The following ZNF716 variants were observed in gnomAD, a reference collection of about 807,000 sequenced individuals.
ZNF716 encodes the protein zinc finger protein 716.
ZNF716 carries 9 observed loss-of-function variants against 13.4 expected under a neutral mutation model. That is an observed-to-expected ratio of 0.67 (90% CI 0.41 to 1.18). The LOEUF is 1.18. ZNF716 is among the 50% of genes most tolerant of loss of function. ZNF716 has a pLI of 0.01. For missense variants in ZNF716, 581 were observed against 576.6 expected (o/e 1.01, Z -0.08); for synonymous variants, 186 against 195.2 (o/e 0.95, Z 0.39).
Position 57,470,598 on chromosome 7 carries a change from G to T in ZNF716, c.*649G>T, listed in dbSNP as rs1789912443. 6.6e-6 allele frequency: 1 copy of T among 152,018 alleles called. No homozygotes were observed. The highest frequency in any genetic ancestry group is 2.1e-4 in the South Asian group (1 of 4,824). 9.4% of individuals were successfully genotyped at this position (152,018 alleles called of 1,614,324 possible). A position where few individuals can be genotyped will look rare whatever the true frequency, so the allele number is the denominator to read the frequency against. On this transcript the variant is annotated 3_prime_UTR_variant, in exon 4 of 4. Coordinates refer to ENST00000420713, the MANE Select transcript of ZNF716 (RefSeq NM_001159279.1). ...CTTGAACCCTTATTATACACTAAAA[G>T]AATTGATACTGAAGAAAAACCCTAC...
At chr7:57,464,143 T>TTTTTTTAC (rs1789762530) in intron 3 of ZNF716, among the ~76,000 whole-genome samples, 2 of 128,832 alleles carry the variant, frequency 1.6e-5, no homozygotes, top group Non-Finnish European at 3.2e-5. Context: ...TTTTTTGAGA[T>TTTTTTTAC]GGAGTTTCAC....
intron 1 of ZNF716, among the ~76,000 whole-genome samples, chr7:57,462,160 A>T (rs1489206266): frequency 3.8e-5 from 2 of 53,152 alleles, no homozygotes; most frequent in Non-Finnish European, 8.2e-5. Flanking sequence ...GCCTCGGTTT[A>T]AAAAAAAAAA....
chr7:57,459,399 T>C (rs1789666152), intron 1 of ZNF716, among the ~76,000 whole-genome samples: 2 of 152,060 alleles, frequency 1.3e-5, no homozygotes, highest in South Asian at 2.1e-4. Flanking sequence ...ACAAAAAATA[T>C]AATATTTTGG....
chr7:57,455,317 A>T (rs1195337083), intron 1 of ZNF716, among the ~76,000 whole-genome samples: 1 of 152,200 alleles, frequency 6.6e-6, no homozygotes, highest in Non-Finnish European at 1.5e-5. Flanking sequence ...GAAGAGAAAA[A>T]TTTAAGCAAA....
chr7:57,465,164 A>G (rs1440098623), intron 3 of ZNF716, among the ~76,000 whole-genome samples: 6 of 152,228 alleles, frequency 3.9e-5, no homozygotes, highest in African/African-American at 1.4e-4. Flanking sequence ...ACACCTTAGC[A>G]AATTAAGATA....
At chr7:57,466,519 C>G (rs545068732) in intron 3 of ZNF716, among the ~76,000 whole-genome samples, 1 of 152,248 alleles carries the variant, frequency 6.6e-6, no homozygotes, top group Non-Finnish European at 1.5e-5. Context: ...AACCTGGCTC[C>G]TCCACCTCAC....
Position 57,469,068 on chromosome 7 carries a change from C to A in ZNF716, c.607C>A (p.His203Asn). The change falls in exon 4 of 4, where the codon CAT becomes AAT. Residue 203 changes from histidine (H) to asparagine (N), a missense_variant. Physicochemically the swap from His to Asn is moderately conservative, Grantham distance 68. Coordinates refer to ENST00000420713, the MANE Select transcript of ZNF716 (RefSeq NM_001159279.1). ...TTGCATGCTTTCACGCCTAAATCAA[C>A]ATCAGATAATTCATACTAGGGAGAA... The part of the protein sequence containing the change: ...SFCMLSRLNQ[H>N]QIIHTREKSY... 1 of 1,608,026 alleles carries A rather than the reference C, an allele frequency of 6.2e-7. No individual in the cohort carries two copies. The highest frequency in any genetic ancestry group is 8.5e-7 in the Non-Finnish European group (1 of 1,176,610).
At chr7:57,452,609 A>G (rs1266731665) in intron 1 of ZNF716, among the ~76,000 whole-genome samples, 2 of 152,100 alleles carry the variant, frequency 1.3e-5, no homozygotes, top group Admixed American at 6.6e-5. Context: ...CTGCACTCCA[A>G]CCTGGACAAC....
intron 1 of ZNF716, among the ~76,000 whole-genome samples, chr7:57,459,075 A>G (rs1789656747): frequency 6.6e-6 from 1 of 152,162 alleles, no homozygotes; most frequent in Admixed American, 6.5e-5. Context: ...TTCAATTTTT[A>G]TGTAATTGTA....
Position 57,469,838 on chromosome 7 carries a change from T to C in ZNF716, c.1377T>C (p.Thr459=), listed in dbSNP as rs1789894498. The C allele has an allele frequency of 6.2e-7, 1 of 1,603,614 alleles. No homozygotes were observed. Among genetic ancestry groups the C allele is most frequent in the East Asian group, 2.3e-5 (1 of 44,396 alleles). Residue 459 remains threonine (T), a synonymous_variant, in exon 4 of 4, where the codon ACT becomes ACC. Coordinates refer to ENST00000420713, the MANE Select transcript of ZNF716 (RefSeq NM_001159279.1). ...STLNTHKRIH[T]GEKPYKCEEC... ...TAAATACTCATAAGAGGATTCATACTGGAGAGAAACCCTACAAATGTGAAG... is the reference window on the plus strand; with the variant it reads ...TAAATACTCATAAGAGGATTCATACCGGAGAGAAACCCTACAAATGTGAAG...
intron 3 of ZNF716, among the ~76,000 whole-genome samples, chr7:57,465,746 C>T (rs10246906): frequency 0.38 from 58,377 of 151,880 alleles, 11,431 homozygotes; most frequent in East Asian, 0.51. Context: ...ATGTTTATTG[C>T]GGCACTATTC....
chr7:57,450,984 G>C (rs544340998), intron 1 of ZNF716, among the ~76,000 whole-genome samples: 2 of 152,080 alleles, frequency 1.3e-5, no homozygotes, highest in South Asian at 4.1e-4. Context: ...GGTTGACTAG[G>C]CCTGAATATT....
chr7:57,464,690 AT>A (rs1397396877), intron 3 of ZNF716, among the ~76,000 whole-genome samples: 5 of 148,802 alleles, frequency 3.4e-5, no homozygotes, highest in African/African-American at 1.2e-4. Flanking sequence ...TTTCCACTAT[AT>A]TTTTTTTCTA....
chr7:57,451,770 C>CT (rs76825087), intron 1 of ZNF716, among the ~76,000 whole-genome samples: 37,561 of 136,066 alleles, frequency 0.28, 5,230 homozygotes, highest in South Asian at 0.34. Context: ...CTCTTTCTTT[C>CT]TTTTTTTTTT....
chr7:57,464,313 G>A (rs1156452121), intron 3 of ZNF716, among the ~76,000 whole-genome samples: 11 of 151,736 alleles, frequency 7.2e-5, no homozygotes, highest in African/African-American at 2.4e-5. Flanking sequence ...TAGAGATGGA[G>A]TTTCGCCATG....
intron 1 of ZNF716, among the ~76,000 whole-genome samples, chr7:57,450,793 C>T (rs1351490516): frequency 6.6e-6 from 1 of 152,028 alleles, no homozygotes; most frequent in African/African-American, 2.4e-5. Context: ...TCTTAGAGCG[C>T]CCAGCTATGG....
At position 57,469,624 on chromosome 7, in the gene ZNF716, C is replaced by T. The variant is rs2116426980; in HGVS notation, c.1163C>T (p.Ala388Val). 2 of 1,612,466 alleles carry T rather than the reference C, an allele frequency of 1.2e-6. No individual in the cohort carries two copies. The highest frequency in any genetic ancestry group is 1.1e-5 in the South Asian group (1 of 90,984). ...TACACTTGTGAAGAATGTGGCAAAG[C>T]CTTTAGCTTACCCTCAACCTTCACT... ...KPYTCEECGK[A>V]FSLPSTFTYH... is the part of the protein sequence containing the mutation. Residue 388 changes from alanine (A) to valine (V), a missense_variant, in exon 4 of 4, where the codon GCC becomes GTC. Coordinates refer to ENST00000420713, the MANE Select transcript of ZNF716 (RefSeq NM_001159279.1).
Position 57,463,126 on chromosome 7 carries a change from C to A in ZNF716, c.220C>A (p.Pro74Thr), listed in dbSNP as rs781786535. The change falls in exon 3 of 4, where the codon CCC becomes ACC. Residue 74 changes from proline to threonine, a missense_variant. Physicochemically the swap from Pro to Thr is conservative, Grantham distance 38. Coordinates refer to ENST00000420713, the MANE Select transcript of ZNF716 (RefSeq NM_001159279.1). ...CACCTGTCTGGAGCAAAATAAAGAG[C>A]CCCAGAATATAAAGAGAAATGAGAT... ...LITCLEQNKE[P>T]QNIKRNEMVA... 12 of 1,609,934 alleles carry A rather than the reference C, an allele frequency of 7.5e-6. No individual in the cohort carries two copies. In the South Asian group the frequency reaches 1.3e-4, roughly 18 times the overall value.
At chr7:57,458,456 C>T (rs1167392089) in intron 1 of ZNF716, among the ~76,000 whole-genome samples, 2 of 150,034 alleles carry the variant, frequency 1.3e-5, no homozygotes, top group African/African-American at 4.9e-5. Context: ...GAGTTTCACT[C>T]TTTTCGTCCA....
Sources: allele counts gnomAD v4.1 joint callset (sites outside exome capture counted in the v4.1 genomes callset), GRCh38; gene constraint gnomAD v4.1.1; transcripts MANE v1.5; gene names NCBI Gene and HGNC (gene_info 2026-07-23, HGNC 2026-07-21).